Variants in ZNF398 observed in about 807,000 individuals in gnomAD.
ZNF398 encodes the protein zinc finger protein 398.
A neutral mutation model predicts 41.9 loss-of-function variants in ZNF398; 18 were observed. That is an observed-to-expected ratio of 0.43 (90% CI 0.30 to 0.64). The LOEUF (loss-of-function observed/expected upper bound fraction) is 0.64. Ranked by LOEUF, ZNF398 falls within the 30% of genes least tolerant of loss-of-function variation. ZNF398 has a pLI of 0.14. For missense variants in ZNF398, 669 were observed against 822.8 expected (o/e 0.81, Z 2.29); for synonymous variants, 260 against 308.8 (o/e 0.84, Z 1.66).
intron 2 of ZNF398, among the ~76,000 whole-genome samples, chr7:149,130,461 A>C (rs1168329303): frequency 6.6e-6 from 1 of 152,172 alleles, no homozygotes; most frequent in African/African-American, 2.4e-5. Context: ...TTTGTGTGAA[A>C]ATAAATTTTT....
chr7:149,178,571 A>C, intron 5 of ZNF398, 77 bp from the exon 6 acceptor site: 1 of 1,241,198 alleles, frequency 8.1e-7, no homozygotes, highest in Non-Finnish European at 1.1e-6. Context: ...GTGATCTGTT[A>C]GAGCTGGGTA....
At chr7:149,149,245 A>T (rs549207145) in intron 1 of ZNF398, among the ~76,000 whole-genome samples, 8 of 152,074 alleles carry the variant, frequency 5.3e-5, no homozygotes, top group African/African-American at 1.2e-4. Flanking sequence ...TTATTTATTT[A>T]TTTTTTGAGG....
chr7:149,135,217 G>A (rs545529296), intron 2 of ZNF398, among the ~76,000 whole-genome samples: 3 of 151,528 alleles, frequency 2.0e-5, no homozygotes, highest in East Asian at 1.9e-4. Flanking sequence ...GTGAAACCCC[G>A]TCTCTACTAA....
At chr7:149,155,608 G>A (rs1444077726) in intron 2 of ZNF398, among the ~76,000 whole-genome samples, 2 of 150,790 alleles carry the variant, frequency 1.3e-5, no homozygotes, top group Non-Finnish European at 2.9e-5. Flanking sequence ...TAAGACCAAG[G>A]AAAGGAATTT....
At chr7:149,155,731 A>ATTTTTTTTTTTTTTTG (rs1235445656) in intron 2 of ZNF398, among the ~76,000 whole-genome samples, 1 of 56,928 alleles carries the variant, frequency 1.8e-5, no homozygotes, top group African/African-American at 5.6e-5. Context: ...TTTTTTTTTA[A>ATTTTTTTTTTTTTTTG]TTTTTTTTTT....
At chr7:149,162,915 G>A (rs555852146) in intron 2 of ZNF398, among the ~76,000 whole-genome samples, 1 of 152,040 alleles carries the variant, frequency 6.6e-6, no homozygotes, top group South Asian at 2.1e-4. Context: ...GGCGGAGGTT[G>A]CAGTGAGCTG....
At position 149,166,900 on chromosome 7, in the gene ZNF398, G is replaced by A. The variant is rs1035449475; in HGVS notation, c.631G>A (p.Glu211Lys). 5.0e-6 allele frequency: 8 copies of A among 1,612,684 alleles called. No homozygotes were observed. Among genetic ancestry groups the A allele is most frequent in the Non-Finnish European group, 5.9e-6 (7 of 1,179,060 alleles). Reference sequence around the variant, plus strand: ...TACAGAGGACCAGGCAGGGCCAGAGGAAAGTGAGATTCCCACAGACCCCAG... The same window carrying A: ...TACAGAGGACCAGGCAGGGCCAGAGAAAAGTGAGATTCCCACAGACCCCAG... ...HNTEDQAGPE[E>K]SEIPTDPSEE... The change falls in exon 4 of 6, where the codon GAA becomes AAA. Residue 211 changes from glutamate (E) to lysine (K), a missense_variant. By Grantham distance (56) the Glu-to-Lys change is moderately conservative. Around this residue, in one of 3 missense-constraint regions of ZNF398, gnomAD observed 290 missense variants for 292.9 expected, o/e 0.99. Transcript: ENST00000475153.
chr7:149,144,296 A>G (rs1214727212), upstream of ZNF398, among the ~76,000 whole-genome samples: 5 of 152,202 alleles, frequency 3.3e-5, no homozygotes, highest in South Asian at 2.1e-4. Context: ...GCCTTATAAC[A>G]TCAAACTTGA....
chr7:149,156,144 T>C (rs1053823026), intron 2 of ZNF398, among the ~76,000 whole-genome samples: 1 of 151,874 alleles, frequency 6.6e-6, no homozygotes, highest in Non-Finnish European at 1.5e-5. Context: ...TGGATGAGGG[T>C]AGCAGTTGTA....
chr7:149,126,434 G>A lies in ZNF398; in HGVS notation c.-833G>A, dbSNP rs1826478288. 2.0e-5 allele frequency: 16 copies of A among 794,612 alleles called. No individual in the cohort carries two copies. In the East Asian group the frequency reaches 4.2e-4, roughly 21 times the overall value. The allele number at this position is 794,612 out of a possible 1,614,324, so 49.2% of individuals were successfully genotyped here. A position where few individuals can be genotyped will look rare whatever the true frequency, so the allele number is the denominator to read the frequency against. ...GAGGGAGTCGGTCCTCAGAGGAGGG[G>A]CCCGGGCACCCTCCGTGCGGGCCGC... is the stretch of plus-strand genomic sequence containing the variant. On this transcript the variant is annotated 5_prime_UTR_variant, in exon 1 of 7. Transcript: ENST00000426851.
chr7:149,162,160 T>TA (rs1171502687), intron 2 of ZNF398, among the ~76,000 whole-genome samples: 1 of 152,048 alleles, frequency 6.6e-6, no homozygotes, highest in Admixed American at 6.6e-5. Flanking sequence ...TGGCTGGGAC[T>TA]ACAGGTGTGC....
chr7:149,141,447 C>CTTTTTTTTTTTTTTTTTTTTTTT (rs35331670), intron 2 of ZNF398, among the ~76,000 whole-genome samples: 3 of 116,814 alleles, frequency 2.6e-5, no homozygotes, highest in Non-Finnish European at 3.4e-5. Flanking sequence ...AGCTACTTTT[C>CTTTTTTTTTTTTTTTTTTTTTTT]TTTTTTTTCT....
At chr7:149,159,338 C>T (rs900094132) in intron 2 of ZNF398, among the ~76,000 whole-genome samples, 3 of 151,980 alleles carry the variant, frequency 2.0e-5, no homozygotes, top group African/African-American at 4.8e-5. Context: ...ACTTTTGTGT[C>T]CTTGCTTTGT....
Position 149,178,814 on chromosome 7 carries a change from T to C in ZNF398, c.942T>C (p.Thr314=). ...TSMTPFGRPA[T]DLPEASEGQV... is the part of the protein sequence containing the mutation. ...TGACACCTTTTGGACGTCCAGCCAC[T>C]GACCTGCCTGAAGCCTCTGAGGGAC... The change falls in exon 6 of 6, where the codon ACT becomes ACC. Residue 314 remains threonine (T), a synonymous_variant. Coordinates refer to ENST00000475153, the MANE Select transcript of ZNF398 (RefSeq NM_170686.3). The C allele has an allele frequency of 1.2e-6, 2 of 1,614,186 alleles. No homozygotes were observed. The highest frequency in any genetic ancestry group is 2.2e-5 in the South Asian group (2 of 91,088).
chr7:149,154,399 C>T (rs1348528351), intron 2 of ZNF398, 59 bp downstream of exon 2: 1 of 1,483,598 alleles, frequency 6.7e-7, no homozygotes, highest in Non-Finnish European at 9.0e-7. Context: ...TAGTAGTAGT[C>T]TTGGTCATTC....
chr7:149,132,258 G>A (rs1411789068), intron 2 of ZNF398, among the ~76,000 whole-genome samples: 4 of 142,968 alleles, frequency 2.8e-5, no homozygotes, highest in African/African-American at 1.1e-4. Context: ...GCAATGCTGT[G>A]ATCTTGGCTC....
intron 2 of ZNF398, among the ~76,000 whole-genome samples, chr7:149,163,156 GA>G (rs1024029161): frequency 1.4e-4 from 21 of 151,968 alleles, no homozygotes; most frequent in Admixed American, 1.3e-4. Flanking sequence ...TAAATGCTCG[GA>G]AAAAGAGCCA....
chr7:149,174,670 C>CAA (rs1795424601), intron 4 of ZNF398, among the ~76,000 whole-genome samples: 1 of 151,936 alleles, frequency 6.6e-6, no homozygotes. Flanking sequence ...ACCAAAAATA[C>CAA]AAAAAATTAG....
Position 149,182,572 on chromosome 7 carries a change from G to T in ZNF398, c.*2771G>T, listed in dbSNP as rs903133373. On this transcript the variant is annotated 3_prime_UTR_variant, in exon 6 of 6. Coordinates refer to ENST00000475153, the MANE Select transcript of ZNF398 (RefSeq NM_170686.3). ...AGAACTGCTTGTCATGACCAGACAA[G>T]ATAGGAAAGGGGAAACCCCAGAAAC... 1.3e-5 allele frequency: 2 copies of T among 152,244 alleles called. No homozygotes were observed. The highest frequency in any genetic ancestry group is 4.8e-5 in the African/African-American group (2 of 41,450). 9.4% of individuals were successfully genotyped at this position (152,244 alleles called of 1,614,324 possible). A position where few individuals can be genotyped will look rare whatever the true frequency, so the allele number is the denominator to read the frequency against.
Sources: allele counts gnomAD v4.1 joint callset (sites outside exome capture counted in the v4.1 genomes callset), GRCh38; gene constraint gnomAD v4.1.1; regional missense constraint gnomAD v4.1.1; transcripts MANE v1.5; gene names NCBI Gene and HGNC (gene_info 2026-07-23, HGNC 2026-07-21).